Variants in UNC79 observed in about 807,000 individuals in gnomAD.
UNC79 encodes the protein unc-79 subunit of NALCN channel complex, also known as protein unc-79 homolog.
A neutral mutation model predicts 283.1 loss-of-function variants in UNC79; 37 were observed. The ratio of observed to expected loss-of-function variants is 0.13; its 90% CI spans 0.10 to 0.17. The LOEUF (loss-of-function observed/expected upper bound fraction) is 0.17, where lower values mean the gene tolerates loss of function less well. UNC79 is among the 10% of genes least tolerant of loss of function. UNC79 has a pLI of 1.00. For synonymous variants in UNC79, 1,107 were observed against 1,200.2 expected (o/e 0.92, Z 1.61); for missense variants, 2,272 against 3,211.1 (o/e 0.71, Z 7.07).
At chr14:93,641,381 C>T in intron 33 of UNC79, 134 bp downstream of exon 36, 1 of 792,248 alleles carries the variant, frequency 1.3e-6, no homozygotes, top group Admixed American at 2.3e-5. Flanking sequence ...TTGCCTGGCA[C>T]ACAGATGCTT....
intron 1 of UNC79, among the ~76,000 whole-genome samples, chr14:93,437,818 T>C (rs1440469127): frequency 6.6e-6 from 1 of 152,110 alleles, no homozygotes; most frequent in Non-Finnish European, 1.5e-5. Context: ...CAAACCTCTC[T>C]CTCCTTCCTC....
intron 47 of UNC79, among the ~76,000 whole-genome samples, chr14:93,698,608 C>A (rs2075324687): frequency 6.8e-6 from 1 of 147,854 alleles, no homozygotes; most frequent in African/African-American, 2.5e-5. Context: ...GCTTTAGTCT[C>A]CTGAGTAGCT....
At chr14:93,699,778 C>T (rs998072530) in intron 47 of UNC79, among the ~76,000 whole-genome samples, 6 of 151,972 alleles carry the variant, frequency 3.9e-5, no homozygotes, top group African/African-American at 1.2e-4. Flanking sequence ...ATTATTTTTG[C>T]TTTAAACAGT....
chr14:93,438,136 G>A (rs2056159563), intron 1 of UNC79, among the ~76,000 whole-genome samples: 1 of 152,080 alleles, frequency 6.6e-6, no homozygotes, highest in Non-Finnish European at 1.5e-5. Context: ...AAATAAAAAT[G>A]TTGACAAAAA....
chr14:93,607,381 G>A lies in UNC79; in HGVS notation c.3754+3963G>A, dbSNP rs554963394. Among the ~76,000 whole-genome samples, 20 of 152,298 alleles carry A rather than the reference G, an allele frequency of 1.3e-4. No homozygotes were observed. In the South Asian group the frequency reaches 3.9e-3, roughly 30 times the overall value. On this transcript the variant is annotated intron_variant, in intron 26 of 48. Coordinates refer to ENST00000555664, the Ensembl canonical transcript of UNC79. ...TCTCTTTACTTACAGGAAAACTAAT[G>A]TAGTGAGGGATTAAGTGATTCTGCT...
At chr14:93,641,273 A>G (rs771341810) in intron 33 of UNC79, 26 bp downstream of exon 36, 1 of 1,594,038 alleles carries the variant, frequency 6.3e-7, no homozygotes, top group South Asian at 1.1e-5. Context: ...TATTTTCTTC[A>G]CCATGTTTAC....
chr14:93,479,293 CTTCT>C (rs142413454), intron 4 of UNC79, among the ~76,000 whole-genome samples: 7,897 of 147,028 alleles, frequency 0.054, 338 homozygotes, highest in Admixed American at 0.12. Flanking sequence ...CCCTTCGTCC[CTTCT>C]TTCTTTCTTT....
At chr14:93,567,800 T>C (rs2062982863) in intron 14 of UNC79, among the ~76,000 whole-genome samples, 2 of 152,230 alleles carry the variant, frequency 1.3e-5, no homozygotes, top group Admixed American at 6.5e-5. Context: ...TGTGCACCTG[T>C]GACACAGCCT....
intron 41 of UNC79, 135 bp downstream of exon 44, chr14:93,673,590 C>A: frequency 1.6e-6 from 1 of 630,302 alleles, no homozygotes; most frequent in South Asian, 3.0e-5. Context: ...TTATATGGAC[C>A]ATGATCTAAC....
chr14:93,349,728 A>G (rs2053945003), intron 1 of UNC79, among the ~76,000 whole-genome samples: 2 of 152,172 alleles, frequency 1.3e-5, no homozygotes, highest in Non-Finnish European at 2.9e-5. Context: ...CAATTATTTT[A>G]TATCTACCTT....
chr14:93,337,336 T>C (rs1325194777), intron 1 of UNC79, among the ~76,000 whole-genome samples: 1 of 152,242 alleles, frequency 6.6e-6, no homozygotes, highest in Non-Finnish European at 1.5e-5. Context: ...TCCCCTCCAG[T>C]TGTCCATGTA....
At chr14:93,404,391 GAGGA>G (rs1426235845) in intron 1 of UNC79, among the ~76,000 whole-genome samples, 1 of 147,878 alleles carries the variant, frequency 6.8e-6, no homozygotes, top group Non-Finnish European at 1.5e-5. Context: ...TTGGGAGGCT[GAGGA>G]AGGAAGATTG....
intron 1 of UNC79, among the ~76,000 whole-genome samples, chr14:93,432,600 T>G (rs937554881): frequency 6.6e-6 from 1 of 152,234 alleles, no homozygotes; most frequent in African/African-American, 2.4e-5. Context: ...TTGTGATTTT[T>G]TTTGCATGTT....
intron 40 of UNC79, among the ~76,000 whole-genome samples, chr14:93,667,029 A>G (rs2072277071): frequency 6.6e-6 from 1 of 152,212 alleles, no homozygotes; most frequent in African/African-American, 2.4e-5. Flanking sequence ...GCTTAAACCC[A>G]GGAGTTTGAG....
chr14:93,541,691 T>C lies in UNC79; in HGVS notation c.1525-775T>C, dbSNP rs1222900484. On this transcript the variant is annotated intron_variant, in intron 13 of 48. Transcript: ENST00000555664. ...CAATAGAAGATTAGTTCATAGTAAA[T>C]GAATGAATGATGTTTTAAAAAGTCT... Among the ~76,000 whole-genome samples the C allele has an allele frequency of 5.9e-5, 9 of 152,260 alleles. No individual in the cohort carries two copies. In the South Asian group the frequency reaches 1.9e-3, roughly 32 times the overall value.
intron 12 of UNC79, among the ~76,000 whole-genome samples, chr14:93,538,866 C>T (rs927695225): frequency 1.4e-4 from 21 of 145,508 alleles, no homozygotes; most frequent in African/African-American, 5.0e-4. Flanking sequence ...TTGTCTGATA[C>T]TCATAGAGGC....
At chr14:93,643,735 C>T (rs199867224) in intron 34 of UNC79, 38 bp downstream of exon 37, 3 of 1,607,240 alleles carry the variant, frequency 1.9e-6, no homozygotes, top group Non-Finnish European at 2.5e-6. Context: ...TAGGAAGGTC[C>T]TTTATTCAGT....
chr14:93,602,763 C>A lies in UNC79; in HGVS notation c.3575-476C>A, dbSNP rs535871478. On this transcript the variant is annotated intron_variant, in intron 25 of 48. Transcript: ENST00000555664. ...TCAAGCAGTCCTCCCAGCTAATCTT[C>A]CTGAGTAGCTAGGACTATGGGGGTG... Among the ~76,000 whole-genome samples, 14 of 152,250 alleles carry A rather than the reference C, an allele frequency of 9.2e-5. No homozygotes were observed. In the South Asian group the frequency reaches 2.3e-3, roughly 25 times the overall value.
At chr14:93,509,837 C>CT (rs1308694611) in intron 7 of UNC79, among the ~76,000 whole-genome samples, 2 of 152,112 alleles carry the variant, frequency 1.3e-5, no homozygotes, top group African/African-American at 4.8e-5. Flanking sequence ...GGACAGTGGA[C>CT]CTCTTCTCAC....
Sources: allele counts gnomAD v4.1 joint callset (sites outside exome capture counted in the v4.1 genomes callset), GRCh38; gene constraint gnomAD v4.1.1; transcripts MANE v1.5; gene names NCBI Gene and HGNC (gene_info 2026-07-23, HGNC 2026-07-21).